The following TENM2 variants were observed in gnomAD, a reference collection of about 807,000 sequenced individuals.
TENM2 encodes teneurin-2.
A neutral mutation model predicts 245.2 loss-of-function variants in TENM2; 52 were observed. That is an observed-to-expected ratio of 0.21 (90% CI 0.17 to 0.27). The LOEUF (loss-of-function observed/expected upper bound fraction) is 0.27, where lower values mean the gene tolerates loss of function less well. Among genes scored for constraint, TENM2 ranks in the 10% least tolerant of loss-of-function variants. The pLI, the probability that TENM2 is intolerant of heterozygous loss-of-function variation, is 1.00. For missense variants in TENM2, 3,046 were observed against 3,666.8 expected, an observed-to-expected ratio of 0.83 and a Z score of 4.37; for synonymous variants, 1,363 against 1,438.9, an observed-to-expected ratio of 0.95 and a Z score of 1.19.
chr5:168,033,003 T>G (rs1354801007), intron 5 of TENM2: 1 of 152,256 alleles, frequency 6.6e-6, no homozygotes, highest in Non-Finnish European at 1.5e-5. Flanking sequence ...ACATTAAGCT[T>G]TTTATTTCAC....
At chr5:168,053,670 G>C (rs188981623) in intron 6 of TENM2, among the ~76,000 whole-genome samples, 15 of 152,286 alleles carry the variant, frequency 9.8e-5, no homozygotes, top group African/African-American at 3.6e-4. Flanking sequence ...TTATAGAGGA[G>C]GACATACATG....
chr5:167,105,664 G>A, the TENM2 span, among the ~76,000 whole-genome samples: 9 of 151,344 alleles, frequency 5.9e-5, no homozygotes, highest in Admixed American at 1.3e-4. Flanking sequence ...CGAGGCGGGC[G>A]GATCACGAGG....
At chr5:167,568,952 G>T (rs764985654) in intron 2 of TENM2, among the ~76,000 whole-genome samples, 13 of 151,990 alleles carry the variant, frequency 8.6e-5, no homozygotes, top group Non-Finnish European at 1.6e-4. Context: ...ACCTTAAAAG[G>T]ATGACTATCA....
intron 7 of TENM2, among the ~76,000 whole-genome samples, chr5:168,064,238 C>G (rs1489966438): frequency 6.6e-6 from 1 of 152,082 alleles, no homozygotes; most frequent in African/African-American, 2.4e-5. Flanking sequence ...TCCACTGATT[C>G]TCTTGTAGCA....
intron 2 of TENM2, among the ~76,000 whole-genome samples, chr5:167,798,725 A>C (rs1765491315): frequency 6.6e-6 from 1 of 152,190 alleles, no homozygotes; most frequent in African/African-American, 2.4e-5. Context: ...CAAACAGAAC[A>C]AATTCCCATT....
intron 2 of TENM2, among the ~76,000 whole-genome samples, chr5:167,452,931 T>TATATATATATATATA (rs1554157698): frequency 4.1e-4 from 2 of 4,886 alleles, no homozygotes. Flanking sequence ...AAAGTATGAT[T>TATATATATATATATA]TATATATATA....
chr5:167,662,490 G>T (rs1174038786), intron 2 of TENM2, among the ~76,000 whole-genome samples: 2 of 152,186 alleles, frequency 1.3e-5, no homozygotes, highest in East Asian at 3.9e-4. Context: ...CCAAACACTT[G>T]TAAAACTCTT....
intron 2 of TENM2, among the ~76,000 whole-genome samples, chr5:167,799,858 C>T (rs993692694): frequency 6.6e-6 from 1 of 152,234 alleles, no homozygotes; most frequent in African/African-American, 2.4e-5. Flanking sequence ...AGTTATCAGA[C>T]TCATGGGAGA....
chr5:167,952,577 T>A lies in TENM2; in HGVS notation c.713-11T>A, dbSNP rs1159058812. 11 of 1,596,818 alleles carry A rather than the reference T, an allele frequency of 6.9e-6. No individual in the cohort carries two copies. Among genetic ancestry groups the A allele is most frequent in the African/African-American group, 1.3e-5 (1 of 74,282 alleles). ...GCAGACGCTAACAGTCATTTCTCCT[T>A]TTTTTTTCAGGCCCTCCGAACCACC... On this transcript the variant is annotated splice_polypyrimidine_tract_variant and intron_variant, in intron 3 of 28. Transcript: ENST00000518659.
intron 2 of TENM2, among the ~76,000 whole-genome samples, chr5:167,800,910 G>C (rs996806019): frequency 5.3e-5 from 8 of 151,608 alleles, no homozygotes; most frequent in Non-Finnish European, 1.2e-4. Context: ...AGTCCCAGTA[G>C]ATGAATAGGC....
intron 2 of TENM2, among the ~76,000 whole-genome samples, chr5:167,857,591 C>T (rs1464885346): frequency 6.6e-6 from 1 of 152,118 alleles, no homozygotes; most frequent in Non-Finnish European, 1.5e-5. Context: ...ACTGCATATA[C>T]TATTTGTTCA....
chr5:167,243,554 G>A, the TENM2 span, among the ~76,000 whole-genome samples: 2 of 152,108 alleles, frequency 1.3e-5, no homozygotes, highest in African/African-American at 4.8e-5. Context: ...GTATTCAAAT[G>A]CTAGGCTATC....
chr5:167,077,139 A>C, the TENM2 span, among the ~76,000 whole-genome samples: 6 of 152,152 alleles, frequency 3.9e-5, no homozygotes, highest in African/African-American at 1.4e-4. Context: ...ACTGTTTTTT[A>C]AACTACACTA....
intron 13 of TENM2, among the ~76,000 whole-genome samples, chr5:168,172,993 C>G (rs1377892693): frequency 6.6e-6 from 1 of 152,188 alleles, no homozygotes; most frequent in Non-Finnish European, 1.5e-5. Flanking sequence ...CCTAATGCTT[C>G]TCTTCCTCCC....
chr5:168,077,321 C>A (rs1420153106), intron 7 of TENM2, among the ~76,000 whole-genome samples: 1 of 152,074 alleles, frequency 6.6e-6, no homozygotes, highest in Non-Finnish European at 1.5e-5. Flanking sequence ...TGGCCTAAAT[C>A]TTTTTCATTC....
intron 7 of TENM2, chr5:168,088,146 C>T (rs1792621596): frequency 6.6e-6 from 1 of 152,170 alleles, no homozygotes; most frequent in Non-Finnish European, 1.5e-5. Context: ...AATGGCCCCA[C>T]ACAAGTAATC....
chr5:167,254,688 A>T, the TENM2 span, among the ~76,000 whole-genome samples: 1 of 152,172 alleles, frequency 6.6e-6, no homozygotes, highest in Middle Eastern at 3.2e-3. Flanking sequence ...GCTATGACAT[A>T]ATAAAAAATG....
At chr5:167,882,458 T>A (rs903038352) in intron 3 of TENM2, among the ~76,000 whole-genome samples, 3 of 152,236 alleles carry the variant, frequency 2.0e-5, no homozygotes, top group Non-Finnish European at 4.4e-5. Flanking sequence ...TTTTGTCAAG[T>A]CATTCAATCA....
At chr5:168,065,521 A>T (rs1790417639) in intron 7 of TENM2, among the ~76,000 whole-genome samples, 1 of 152,224 alleles carries the variant, frequency 6.6e-6, no homozygotes, top group Non-Finnish European at 1.5e-5. Context: ...TGTAAACGAA[A>T]GCGCAATAGA....
Sources: allele counts gnomAD v4.1 joint callset (sites outside exome capture counted in the v4.1 genomes callset), GRCh38; gene constraint gnomAD v4.1.1; transcripts MANE v1.5; gene names NCBI Gene and HGNC (gene_info 2026-07-23, HGNC 2026-07-21).